DNAJC5B: variants seen among roughly 807,000 people sequenced by gnomAD.
DNAJC5B encodes the protein dnaJ homolog subfamily C member 5B.
DNAJC5B carries 23 observed loss-of-function variants against 24.7 expected under a neutral mutation model. That is an observed-to-expected ratio of 0.93 (90% CI 0.67 to 1.32). DNAJC5B has a LOEUF of 1.32. Ranked by LOEUF, DNAJC5B falls within the 40% of genes most tolerant of loss-of-function variation. The pLI is 0.00. For missense variants in DNAJC5B, 238 were observed against 240.8 expected (o/e 0.99, Z 0.08); for synonymous variants, 101 against 90.1 (o/e 1.12, Z -0.68).
chr8:66,052,036 C>T (rs960345390), intron 3 of DNAJC5B, among the ~76,000 whole-genome samples: 2 of 151,966 alleles, frequency 1.3e-5, no homozygotes, highest in African/African-American at 4.8e-5. Context: ...GCAATCTTGG[C>T]TCACTGCAAC....
At chr8:66,044,013 G>A (rs1371985883) in intron 2 of DNAJC5B, among the ~76,000 whole-genome samples, 2 of 151,954 alleles carry the variant, frequency 1.3e-5, no homozygotes, top group Admixed American at 6.6e-5. Flanking sequence ...AGTAGAGACA[G>A]GGTTTCACCA....
intron 2 of DNAJC5B, among the ~76,000 whole-genome samples, chr8:66,045,830 A>G (rs1364005571): frequency 6.6e-6 from 1 of 152,198 alleles, no homozygotes; most frequent in African/African-American, 2.4e-5. Context: ...GACAGGATTC[A>G]GGCACCCTCA....
chr8:66,026,336 G>A (rs983391823), intron 1 of DNAJC5B, among the ~76,000 whole-genome samples: 2 of 152,074 alleles, frequency 1.3e-5, no homozygotes, highest in Non-Finnish European at 2.9e-5. Context: ...GAGACGATGG[G>A]GTTTTTGCGG....
chr8:66,028,349 A>G (rs1049593524), intron 1 of DNAJC5B, among the ~76,000 whole-genome samples: 1 of 152,164 alleles, frequency 6.6e-6, no homozygotes, highest in African/African-American at 2.4e-5. Context: ...TTGGGATATG[A>G]AAAAGAGGAG....
At chr8:66,053,801 G>A (rs1806904224) in intron 3 of DNAJC5B, among the ~76,000 whole-genome samples, 1 of 151,938 alleles carries the variant, frequency 6.6e-6, no homozygotes, top group South Asian at 2.1e-4. Flanking sequence ...GGCTAATTTT[G>A]TATTTTTAGT....
At chr8:66,072,228 A>T (rs1364194746) in intron 3 of DNAJC5B, among the ~76,000 whole-genome samples, 1 of 152,172 alleles carries the variant, frequency 6.6e-6, no homozygotes, top group African/African-American at 2.4e-5. Flanking sequence ...AATGTATAAC[A>T]GTTATAAGTT....
chr8:66,015,469 C>T, the DNAJC5B span, among the ~76,000 whole-genome samples: 8,348 of 151,640 alleles, frequency 0.055, 339 homozygotes, highest in Middle Eastern at 0.11. Flanking sequence ...TTGGGGAGAG[C>T]GGCTTGGGGT....
At chr8:66,015,638 G>A in the DNAJC5B span, among the ~76,000 whole-genome samples, 1 of 152,142 alleles carries the variant, frequency 6.6e-6, no homozygotes, top group Non-Finnish European at 1.5e-5. Flanking sequence ...GTTCTCAAAA[G>A]TAGCAGTATT....
In DNAJC5B at chr8:66,099,943, A is replaced by C; in HGVS notation, c.512A>C (p.Asp171Ala). 1 of 1,613,830 alleles carries C rather than the reference A, an allele frequency of 6.2e-7. No homozygotes were observed. Among genetic ancestry groups the C allele is most frequent in the East Asian group, 2.2e-5 (1 of 44,872 alleles). ...TTGCTTTGTTTATTTTTAGATGTGG[A>C]CTTTCCAGTTTTTCTCCAGCCTACA... ...QIKSDMEKDVDFPVFLQPTNA... is the reference protein window; with the variant it reads ...QIKSDMEKDVAFPVFLQPTNA... The change falls in exon 6 of 6, where the codon GAC (aspartate) becomes GCC (alanine). Residue 171 changes from aspartate to alanine, a missense_variant. Transcript: ENST00000276570.
intron 1 of DNAJC5B, among the ~76,000 whole-genome samples, chr8:66,023,730 C>T (rs949254974): frequency 5.9e-5 from 9 of 152,110 alleles, no homozygotes; most frequent in Admixed American, 5.9e-4. Flanking sequence ...ACTTACTTAC[C>T]TAATATATCT....
chr8:66,097,438 AT>A (rs1267055274), intron 5 of DNAJC5B, among the ~76,000 whole-genome samples: 1 of 151,738 alleles, frequency 6.6e-6, no homozygotes, highest in Non-Finnish European at 1.5e-5. Context: ...CTTATACATT[AT>A]TTTTATATTT....
chr8:66,065,164 A>T (rs1388294634), intron 3 of DNAJC5B, among the ~76,000 whole-genome samples: 6 of 152,244 alleles, frequency 3.9e-5, no homozygotes, highest in African/African-American at 4.8e-5. Flanking sequence ...GGAAAAGACC[A>T]ATTCTCTGAA....
intron 5 of DNAJC5B, among the ~76,000 whole-genome samples, chr8:66,085,572 C>CA (rs930818997): frequency 2.0e-5 from 3 of 151,662 alleles, no homozygotes; most frequent in Non-Finnish European, 4.4e-5. Context: ...GACTCCATCT[C>CA]AAAAAATATA....
At chr8:66,064,552 C>T (rs950743945) in intron 3 of DNAJC5B, among the ~76,000 whole-genome samples, 4 of 152,184 alleles carry the variant, frequency 2.6e-5, no homozygotes, top group African/African-American at 4.8e-5. Flanking sequence ...GTAGAGATTG[C>T]TGGCCTGAAG....
chr8:66,026,677 T>C (rs903141638), intron 1 of DNAJC5B, among the ~76,000 whole-genome samples: 1 of 152,236 alleles, frequency 6.6e-6, no homozygotes, highest in South Asian at 2.1e-4. Flanking sequence ...GCCTGTGAAG[T>C]CTGTGGAGGA....
intron 2 of DNAJC5B, among the ~76,000 whole-genome samples, chr8:66,045,569 CT>C (rs1376285475): frequency 1.3e-4 from 20 of 151,158 alleles, no homozygotes; most frequent in Non-Finnish European, 5.9e-5. Flanking sequence ...TGGAATCTGC[CT>C]TTTTTTTTCA....
At chr8:66,051,315 A>G (rs903638389) in intron 2 of DNAJC5B, among the ~76,000 whole-genome samples, 41 of 152,328 alleles carry the variant, frequency 2.7e-4, no homozygotes, top group African/African-American at 9.9e-4. Context: ...GTGTGGAGAA[A>G]GCCCTGTTCC....
At chr8:66,088,037 G>T (rs1240462789) in intron 5 of DNAJC5B, among the ~76,000 whole-genome samples, 1 of 152,220 alleles carries the variant, frequency 6.6e-6, no homozygotes, top group Non-Finnish European at 1.5e-5. Flanking sequence ...CCCCAGCAGA[G>T]GCTCTCCATG....
intron 5 of DNAJC5B, among the ~76,000 whole-genome samples, chr8:66,087,249 T>C (rs141664527): frequency 6.6e-6 from 1 of 152,298 alleles, no homozygotes; most frequent in African/African-American, 2.4e-5. Context: ...TCCACACTTT[T>C]AAACTTTCAG....
Sources: allele counts gnomAD v4.1 joint callset (sites outside exome capture counted in the v4.1 genomes callset), GRCh38; gene constraint gnomAD v4.1.1; transcripts MANE v1.5; gene names NCBI Gene and HGNC (gene_info 2026-07-23, HGNC 2026-07-21).